The following IPO11 variants were observed in gnomAD, a reference collection of about 807,000 sequenced individuals.
IPO11 encodes the protein importin-11.
IPO11 carries 66 observed loss-of-function variants against 143.2 expected under a neutral mutation model. The ratio of observed to expected loss-of-function variants is 0.46; its 90% confidence interval spans 0.38 to 0.57. The LOEUF is 0.57. IPO11 is among the 20% of genes least tolerant of loss of function. The pLI, the probability that IPO11 is intolerant of heterozygous loss-of-function variation, is 0.00. For synonymous variants in IPO11, 385 were observed against 377.8 expected (o/e 1.02, Z -0.22); for missense variants, 1,026 against 1,141.0 (o/e 0.90, Z 1.45).
Position 62,513,571 on chromosome 5 carries a change from C to A in IPO11, c.1783-1817C>A, listed in dbSNP as rs1356157008. On this transcript the variant is annotated intron_variant, in intron 19 of 29. Coordinates refer to ENST00000325324, the MANE Select transcript of IPO11 (RefSeq NM_016338.5). ...CCCCCCACCTCCCTCCCGGACGGGGCGGCTGGCTGGGCAGACGGGCTCCTG... is the reference window on the plus strand; with the variant it reads ...CCCCCCACCTCCCTCCCGGACGGGGAGGCTGGCTGGGCAGACGGGCTCCTG... Among the ~76,000 whole-genome samples the A allele has an allele frequency of 9.7e-4, 135 of 139,296 alleles. 2 individuals carry two copies. The highest frequency in any genetic ancestry group is 1.8e-3 in the Non-Finnish European group (114 of 63,878). 91.4% of individuals were successfully genotyped at this position (139,296 alleles called of 152,430 possible).
chr5:62,467,580 C>T (rs963384398), intron 6 of IPO11, among the ~76,000 whole-genome samples: 1 of 152,182 alleles, frequency 6.6e-6, no homozygotes, highest in Admixed American at 6.5e-5. Flanking sequence ...TGGACCCCTA[C>T]ACTTATCCTT....
chr5:62,560,094 A>G (rs2112364515), intron 26 of IPO11, among the ~76,000 whole-genome samples: 1 of 152,220 alleles, frequency 6.6e-6, no homozygotes, highest in East Asian at 1.9e-4. Flanking sequence ...CCCTTCCAGA[A>G]CATGCAAGAA....
chr5:62,620,762 CT>C (rs1320094682), intron 29 of IPO11, among the ~76,000 whole-genome samples: 1 of 152,150 alleles, frequency 6.6e-6, no homozygotes, highest in Non-Finnish European at 1.5e-5. Context: ...TCTTATCAGA[CT>C]TAAGGTCTGT....
chr5:62,547,315 C>T (rs1295087587), intron 24 of IPO11, among the ~76,000 whole-genome samples: 2 of 152,018 alleles, frequency 1.3e-5, no homozygotes, highest in African/African-American at 4.8e-5. Flanking sequence ...GAAATAATAT[C>T]GGACCATTTC....
In IPO11 at chr5:62,598,518, CTTTCTTTCTTTTCTTTCTTTTCTTTCTT is replaced by C. The variant is rs1745355479; in HGVS notation, c.2679-3243_2679-3216del. 5.0e-4 allele frequency among the ~76,000 whole-genome samples: 3 copies of C among 5,972 alleles called. 1 individual carries two copies. The African/African-American group carries it at 5.7e-3, about 11-fold the overall frequency. 3.9% of individuals were successfully genotyped at this position (5,972 alleles called of 152,430 possible). On this transcript the variant is annotated intron_variant, in intron 28 of 29. Coordinates refer to ENST00000325324, the MANE Select transcript of IPO11 (RefSeq NM_016338.5). The stretch of plus-strand genomic sequence containing the variant: ...TCTTTCTTTCTTTCTTTCTTTCTTT[CTTTCTTTCTTTTCTTTCTTTTCTTTCTT>C]TTCTTTCTTTTTTTTTTTTATGGAG...
intron 19 of IPO11, among the ~76,000 whole-genome samples, chr5:62,508,620 G>GTC (rs936536530): frequency 1.7e-5 from 2 of 115,190 alleles, no homozygotes; most frequent in Non-Finnish European, 3.4e-5. Flanking sequence ...CCCTCCCTCC[G>GTC]TCTCTCTCTC....
At chr5:62,423,958 C>T (rs1430204060) in intron 1 of IPO11, among the ~76,000 whole-genome samples, 1 of 152,064 alleles carries the variant, frequency 6.6e-6, no homozygotes, top group Non-Finnish European at 1.5e-5. Context: ...ATTTCCTATC[C>T]ATGATTCCCC....
chr5:62,624,026 A>G (rs1322596369), intron 29 of IPO11, among the ~76,000 whole-genome samples: 1 of 146,214 alleles, frequency 6.8e-6, no homozygotes, highest in Non-Finnish European at 1.5e-5. Context: ...TCCTCCCCCC[A>G]CCGTTTTTTT....
At chr5:62,501,489 A>T (rs1741346570) in intron 16 of IPO11, among the ~76,000 whole-genome samples, 1 of 152,242 alleles carries the variant, frequency 6.6e-6, no homozygotes, top group Non-Finnish European at 1.5e-5. Context: ...TCTATTAATT[A>T]TACATGAAAA....
intron 7 of IPO11, among the ~76,000 whole-genome samples, chr5:62,472,786 C>T (rs1400824282): frequency 6.6e-6 from 1 of 152,084 alleles, no homozygotes; most frequent in Non-Finnish European, 1.5e-5. Context: ...GCCTCGGCCT[C>T]CCAAAGTTCT....
At chr5:62,456,674 A>G (rs900925569) in intron 5 of IPO11, among the ~76,000 whole-genome samples, 2 of 152,174 alleles carry the variant, frequency 1.3e-5, no homozygotes, top group African/African-American at 4.8e-5. Context: ...CAGTCACTCA[A>G]CAGTTATTGA....
At chr5:62,626,237 C>G (rs1422235491) in intron 29 of IPO11, among the ~76,000 whole-genome samples, 1 of 152,206 alleles carries the variant, frequency 6.6e-6, no homozygotes, top group East Asian at 1.9e-4. Context: ...ACCATATTGG[C>G]CAGGCTGGTC....
intron 8 of IPO11, 138 bp downstream of exon 8, chr5:62,474,602 T>G (rs936463761): frequency 6.1e-6 from 4 of 653,096 alleles, no homozygotes; most frequent in Non-Finnish European, 1.0e-5. Context: ...CTTATAAATC[T>G]AGAGAAAGTG....
chr5:62,435,099 T>C lies in IPO11; in HGVS notation c.-6-2175T>C, dbSNP rs1343662044. 9.6e-5 allele frequency among the ~76,000 whole-genome samples: 7 copies of C among 72,994 alleles called. 1 individual carries two copies. Among genetic ancestry groups the C allele is most frequent in the African/African-American group, 3.0e-4 (6 of 19,904 alleles). 47.9% of individuals were successfully genotyped at this position (72,994 alleles called of 152,430 possible). Reference sequence around the variant, plus strand: ...ATATATATGTGTATATATGTATATATGTATATATATGTATATATGTATATA... The same window carrying C: ...ATATATATGTGTATATATGTATATACGTATATATATGTATATATGTATATA... On this transcript the variant is annotated intron_variant, in intron 1 of 29. Coordinates refer to ENST00000325324, the MANE Select transcript of IPO11 (RefSeq NM_016338.5).
chr5:62,527,952 C>A (rs984257479), intron 21 of IPO11, among the ~76,000 whole-genome samples: 5 of 152,114 alleles, frequency 3.3e-5, no homozygotes, highest in Admixed American at 6.5e-5. Flanking sequence ...CCACAGTTTT[C>A]TTGTCTTTAA....
chr5:62,424,967 G>T (rs1294624307), intron 1 of IPO11, among the ~76,000 whole-genome samples: 3 of 152,160 alleles, frequency 2.0e-5, no homozygotes, highest in Admixed American at 6.5e-5. Context: ...TTTTGGTAGA[G>T]TGATGCAATA....
At chr5:62,550,960 A>G (rs1212870031) in intron 25 of IPO11, among the ~76,000 whole-genome samples, 10 of 151,150 alleles carry the variant, frequency 6.6e-5, no homozygotes, top group Non-Finnish European at 1.2e-4. Flanking sequence ...CATCTCAAAA[A>G]AAAAAAAAAA....
In IPO11 at chr5:62,488,522, T is replaced by A. The variant is rs181179459; in HGVS notation, c.1309+661T>A. ...TTGAGCCTTAATGACAAGGAAACAG[T>A]TACCTCATTAGAAGTGGTAGGAGAT... On this transcript the variant is annotated intron_variant, in intron 13 of 29. Coordinates refer to ENST00000325324, the MANE Select transcript of IPO11 (RefSeq NM_016338.5). 1.1e-3 allele frequency among the ~76,000 whole-genome samples: 172 copies of A among 152,320 alleles called. 4 individuals carry two copies. Among genetic ancestry groups the A allele is most frequent in the Admixed American group, 0.011 (172 of 15,300 alleles).
At chr5:62,484,573 G>A (rs1449908013) in intron 11 of IPO11, among the ~76,000 whole-genome samples, 1 of 148,766 alleles carries the variant, frequency 6.7e-6, no homozygotes. Flanking sequence ...TTTTGGACAG[G>A]ACATCTTTAT....
Sources: gnomAD v4.1 joint callset for allele counts (sites outside exome capture counted in the v4.1 genomes callset) on GRCh38, gnomAD v4.1.1 for gene constraint, MANE v1.5 for transcripts, NCBI Gene and HGNC (gene_info 2026-07-23, HGNC 2026-07-21) for gene names.